CATSPERT: variants seen among roughly 807,000 people sequenced by gnomAD.
CATSPERT encodes the protein cation channel sperm-associated targeting subunit tau.
chr2:201,584,255 A>G, the CATSPERT span, among the ~76,000 whole-genome samples: 2 of 152,258 alleles, frequency 1.3e-5, no homozygotes, highest in African/African-American at 4.8e-5. Flanking sequence ...GCGCCACTGC[A>G]CTCCAGTGTG....
the CATSPERT span, among the ~76,000 whole-genome samples, chr2:201,519,018 A>G: frequency 6.6e-6 from 1 of 152,200 alleles, no homozygotes; most frequent in Non-Finnish European, 1.5e-5. Context: ...AACTCCTCAT[A>G]TACATTCAGA....
At chr2:201,584,581 G>A in the CATSPERT span, among the ~76,000 whole-genome samples, 252 of 151,972 alleles carry the variant, frequency 1.7e-3, 1 homozygote, top group Middle Eastern at 3.4e-3. Flanking sequence ...TCAGGAGTTC[G>A]AGACCAGCCT....
chr2:201,557,899 T>C, the CATSPERT span: 3 of 152,176 alleles, frequency 2.0e-5, no homozygotes, highest in Non-Finnish European at 4.4e-5. Context: ...CCATCATTCA[T>C]AACCTTAATG....
At chr2:201,602,397 C>A in the CATSPERT span, among the ~76,000 whole-genome samples, 2,440 of 152,078 alleles carry the variant, frequency 0.016, 35 homozygotes, top group Middle Eastern at 0.041. Flanking sequence ...CTTCAAAAAT[C>A]TCATTATACA....
the CATSPERT span, among the ~76,000 whole-genome samples, chr2:201,521,432 A>G: frequency 1.7e-5 from 1 of 59,896 alleles, no homozygotes. Context: ...AGAGACAGAC[A>G]GAGAGAGAGA....
At chr2:201,491,318 G>A in the CATSPERT span, 28 of 1,537,526 alleles carry the variant, frequency 1.8e-5, no homozygotes, top group Non-Finnish European at 2.3e-5. Flanking sequence ...CTTTCTTTTC[G>A]GACCTTGGGT....
the CATSPERT span, among the ~76,000 whole-genome samples, chr2:201,583,740 C>A: frequency 6.6e-6 from 1 of 151,778 alleles, no homozygotes; most frequent in Non-Finnish European, 1.5e-5. Flanking sequence ...AGTTAACAGT[C>A]AAAAATAACT....
At chr2:201,555,398 C>T in the CATSPERT span, 1 of 152,114 alleles carries the variant, frequency 6.6e-6, no homozygotes, top group Admixed American at 6.5e-5. Context: ...GCCTGTAATC[C>T]CAGCTACTCA....
the CATSPERT span, chr2:201,494,874 C>T: frequency 3.2e-6 from 3 of 936,886 alleles, no homozygotes; most frequent in Non-Finnish European, 4.2e-6. Context: ...AGTCTCCTAC[C>T]CTCCACAAAG....
chr2:201,502,632 A>G, the CATSPERT span, among the ~76,000 whole-genome samples: 9 of 151,694 alleles, frequency 5.9e-5, no homozygotes, highest in African/African-American at 2.2e-4. Flanking sequence ...TTCTTATTTA[A>G]ATCTGTAAAT....
At chr2:201,513,892 A>G in the CATSPERT span, among the ~76,000 whole-genome samples, 1 of 152,234 alleles carries the variant, frequency 6.6e-6, no homozygotes, top group Non-Finnish European at 1.5e-5. Flanking sequence ...ATTAAATTAC[A>G]GTCATTTCTA....
At chr2:201,509,897 C>A in the CATSPERT span, among the ~76,000 whole-genome samples, 7 of 150,818 alleles carry the variant, frequency 4.6e-5, no homozygotes, top group African/African-American at 1.5e-4. Context: ...AATGGGGTAA[C>A]CTTTAAGTAC....
the CATSPERT span, among the ~76,000 whole-genome samples, chr2:201,520,716 C>A: frequency 6.6e-6 from 1 of 151,822 alleles, no homozygotes; most frequent in Non-Finnish European, 1.5e-5. Context: ...GGTGAAACCC[C>A]ATCTCTACTA....
At chr2:201,523,869 A>G in the CATSPERT span, among the ~76,000 whole-genome samples, 1 of 152,244 alleles carries the variant, frequency 6.6e-6, no homozygotes, top group African/African-American at 2.4e-5. Context: ...CATCAAAAGC[A>G]GAATAGACCA....
the CATSPERT span, among the ~76,000 whole-genome samples, chr2:201,586,289 C>T: frequency 6.6e-6 from 1 of 151,838 alleles, no homozygotes; most frequent in Non-Finnish European, 1.5e-5. Flanking sequence ...GGGTCAGTGC[C>T]TCAGTGCCTG....
chr2:201,504,376 A>G, the CATSPERT span, among the ~76,000 whole-genome samples: 2 of 152,202 alleles, frequency 1.3e-5, no homozygotes, highest in African/African-American at 4.8e-5. Context: ...AATTTCTCAT[A>G]CCAGAAATAG....
At chr2:201,528,885 G>A in the CATSPERT span, among the ~76,000 whole-genome samples, 2 of 152,028 alleles carry the variant, frequency 1.3e-5, no homozygotes, top group Non-Finnish European at 1.5e-5. Context: ...TAACAAGCCT[G>A]CAGAAGTAAC....
the CATSPERT span, among the ~76,000 whole-genome samples, chr2:201,583,189 A>G: frequency 1.3e-5 from 2 of 152,238 alleles, no homozygotes; most frequent in African/African-American, 4.8e-5. Context: ...CTTCCCAATC[A>G]GGTGACCTAA....
At chr2:201,533,462 G>T in the CATSPERT span, among the ~76,000 whole-genome samples, 2 of 152,150 alleles carry the variant, frequency 1.3e-5, no homozygotes, top group African/African-American at 4.8e-5. Context: ...TCTACATTTA[G>T]AATTTAAGTG....
Sources: gnomAD v4.1 joint callset for allele counts (sites outside exome capture counted in the v4.1 genomes callset) on GRCh38, gnomAD v4.1.1 for gene constraint, MANE v1.5 for transcripts, NCBI Gene and HGNC (gene_info 2026-07-23, HGNC 2026-07-21) for gene names.